Variants in ROBO1 observed in about 807,000 individuals in gnomAD.
ROBO1 encodes the protein roundabout guidance receptor 1, also known as roundabout homolog 1.
ROBO1 carries 149 observed loss-of-function variants against 195.9 expected under a neutral mutation model. That is an observed-to-expected ratio of 0.76 (90% CI 0.67 to 0.87). ROBO1 has a LOEUF of 0.87. ROBO1 is among the 40% of genes least tolerant of loss of function. The probability of loss-of-function intolerance (pLI) is 0.00; values close to 1 mark genes in which losing one functional copy is unlikely to be tolerated. For missense variants in ROBO1, 1,933 were observed against 2,068.3 expected (o/e 0.93, Z 1.27); for synonymous variants, 816 against 733.2 (o/e 1.11, Z -1.82).
chr3:79,398,558 A>T (rs2037237872), intron 2 of ROBO1, among the ~76,000 whole-genome samples: 1 of 152,086 alleles, frequency 6.6e-6, no homozygotes, highest in Non-Finnish European at 1.5e-5. Flanking sequence ...GTATAGCAAG[A>T]ATTACTATAA....
chr3:79,005,480 G>A (rs866504495), intron 3 of ROBO1, among the ~76,000 whole-genome samples: 12 of 152,110 alleles, frequency 7.9e-5, no homozygotes, highest in Non-Finnish European at 1.6e-4. Flanking sequence ...AAATTTCTAC[G>A]TTTAGAAATA....
chr3:78,767,123 C>A lies in ROBO1; in HGVS notation c.500-20223G>T, dbSNP rs2083248978. Among the ~76,000 whole-genome samples, 3 of 152,088 alleles carry A rather than the reference C, an allele frequency of 2.0e-5. No homozygotes were observed. The South Asian group carries it at 6.2e-4, about 32-fold the overall frequency. Reference sequence around the variant, plus strand: ...TCCTGGTTTTGGTATTAGCGTGATGCTGGCTTCATAGAATGAATTAGGGAG... The same window carrying A: ...TCCTGGTTTTGGTATTAGCGTGATGATGGCTTCATAGAATGAATTAGGGAG... On this transcript the variant is annotated intron_variant, in intron 4 of 30. Transcript: ENST00000464233.
At chr3:78,698,363 G>A (rs1164088071) in intron 8 of ROBO1, among the ~76,000 whole-genome samples, 1 of 151,946 alleles carries the variant, frequency 6.6e-6, no homozygotes, top group Non-Finnish European at 1.5e-5. Flanking sequence ...TTTCTTTTGG[G>A]GGAAAAGATT....
intron 4 of ROBO1, among the ~76,000 whole-genome samples, chr3:78,839,976 T>C (rs1023942897): frequency 2.6e-5 from 4 of 152,206 alleles, no homozygotes; most frequent in Non-Finnish European, 4.4e-5. Flanking sequence ...ATGATGAATA[T>C]GCTACCAGAA....
At chr3:79,648,558 G>A (rs1288522942) in intron 1 of ROBO1, among the ~76,000 whole-genome samples, 5 of 151,886 alleles carry the variant, frequency 3.3e-5, no homozygotes, top group South Asian at 2.1e-4. Flanking sequence ...TTCAATAGAC[G>A]TACTTAAAAT....
At chr3:78,990,683 C>A (rs2077217152) in intron 3 of ROBO1, among the ~76,000 whole-genome samples, 8 of 152,132 alleles carry the variant, frequency 5.3e-5, no homozygotes, top group Admixed American at 5.2e-4. Context: ...ATCTCCAAAT[C>A]AGTTCTTCAT....
At chr3:78,630,066 G>C (rs987077661) in intron 25 of ROBO1, among the ~76,000 whole-genome samples, 6 of 152,194 alleles carry the variant, frequency 3.9e-5, no homozygotes, top group Admixed American at 3.3e-4. Flanking sequence ...GTGCCTTAAA[G>C]AAATATATCT....
At chr3:79,231,790 T>C (rs1398769709) in intron 2 of ROBO1, among the ~76,000 whole-genome samples, 1 of 152,052 alleles carries the variant, frequency 6.6e-6, no homozygotes, top group Non-Finnish European at 1.5e-5. Flanking sequence ...CTATTCACTA[T>C]AGCAAATACA....
chr3:79,079,750 T>A (rs1316084825), intron 3 of ROBO1, among the ~76,000 whole-genome samples: 4 of 151,608 alleles, frequency 2.6e-5, no homozygotes, highest in Admixed American at 6.6e-5. Flanking sequence ...ATCCACACCA[T>A]AAGACAGGGT....
intron 1 of ROBO1, among the ~76,000 whole-genome samples, chr3:79,746,276 A>G (rs1209338554): frequency 1.3e-5 from 2 of 152,026 alleles, no homozygotes; most frequent in Admixed American, 6.6e-5. Context: ...GAGATTTTGG[A>G]GATAAAATGT....
chr3:79,725,230 T>TC (rs1702866930), intron 1 of ROBO1, among the ~76,000 whole-genome samples: 2 of 143,832 alleles, frequency 1.4e-5, no homozygotes, highest in African/African-American at 5.1e-5. Context: ...CTTCTTTTTT[T>TC]TTTTTTTTTT....
intron 3 of ROBO1, among the ~76,000 whole-genome samples, chr3:78,995,799 G>A (rs1047452176): frequency 3.3e-5 from 5 of 150,964 alleles, no homozygotes; most frequent in African/African-American, 1.2e-4. Flanking sequence ...AAATTAAAAA[G>A]TAATAAAAAA....
At chr3:78,657,379 C>A (rs1260915629) in intron 17 of ROBO1, 110 bp from the exon 18 acceptor site, 6 of 1,047,996 alleles carry the variant, frequency 5.7e-6, no homozygotes, top group Non-Finnish European at 8.2e-6. Context: ...CTGTCATGCA[C>A]TACCATAAGA....
At chr3:79,033,924 A>G (rs2078338713) in intron 3 of ROBO1, among the ~76,000 whole-genome samples, 1 of 152,116 alleles carries the variant, frequency 6.6e-6, no homozygotes, top group South Asian at 2.1e-4. Flanking sequence ...CTACCCTCAG[A>G]ACTAGTGTCT....
chr3:79,196,750 A>G (rs116249868), intron 2 of ROBO1, among the ~76,000 whole-genome samples: 3,330 of 151,884 alleles, frequency 0.022, 108 homozygotes, highest in African/African-American at 0.074. Context: ...CAGACTATCA[A>G]CTGGTAGGAT....
chr3:79,536,754 T>C (rs555907172), intron 2 of ROBO1, among the ~76,000 whole-genome samples: 1 of 152,322 alleles, frequency 6.6e-6, no homozygotes, highest in Non-Finnish European at 1.5e-5. Context: ...CTTAAAATTC[T>C]ATGATAAAAC....
chr3:79,575,225 C>CATATATAT (rs1943428204), intron 2 of ROBO1, among the ~76,000 whole-genome samples: 2 of 79,998 alleles, frequency 2.5e-5, no homozygotes, highest in African/African-American at 5.4e-5. Flanking sequence ...ATATATATAA[C>CATATATAT]AAATATATAT....
chr3:79,682,131 TC>T (rs978025814), intron 1 of ROBO1, among the ~76,000 whole-genome samples: 8 of 151,992 alleles, frequency 5.3e-5, no homozygotes, highest in African/African-American at 1.7e-4. Context: ...TACTATATCT[TC>T]AATTAAGCAG....
At chr3:79,558,877 A>G (rs1480511559) in intron 2 of ROBO1, among the ~76,000 whole-genome samples, 1 of 152,170 alleles carries the variant, frequency 6.6e-6, no homozygotes, top group Non-Finnish European at 1.5e-5. Context: ...CTTGAGTAAA[A>G]CATCTGTTTG....
Sources: allele counts gnomAD v4.1 joint callset (sites outside exome capture counted in the v4.1 genomes callset), GRCh38; gene constraint gnomAD v4.1.1; transcripts MANE v1.5; gene names NCBI Gene and HGNC (gene_info 2026-07-23, HGNC 2026-07-21).